Variants in FGFR1 observed in about 807,000 individuals in gnomAD.
FGFR1 encodes the protein fibroblast growth factor receptor 1, also known as FGFR1/PLAG1 fusion.
A neutral mutation model predicts 93.7 loss-of-function variants in FGFR1; 18 were observed. The ratio of observed to expected loss-of-function variants is 0.19; its 90% confidence interval spans 0.13 to 0.28. The LOEUF is 0.28. FGFR1 is among the 10% of genes least tolerant of loss of function. FGFR1 has a pLI of 1.00. For synonymous variants in FGFR1, 448 were observed against 429.3 expected (o/e 1.04, Z -0.54); for missense variants, 731 against 1,080.4 (o/e 0.68, Z 4.53).
At chr8:38,462,172 T>C (rs1307974079) in intron 1 of FGFR1, among the ~76,000 whole-genome samples, 1 of 152,218 alleles carries the variant, frequency 6.6e-6, no homozygotes, top group Non-Finnish European at 1.5e-5. Flanking sequence ...TTTGGAAATA[T>C]AGTTACATTA....
chr8:38,419,195 T>C (rs1016543488), intron 9 of FGFR1, among the ~76,000 whole-genome samples: 1 of 152,330 alleles, frequency 6.6e-6, no homozygotes, highest in Admixed American at 6.5e-5. Context: ...CAAACAGTTC[T>C]CTTCTCTACC....
At chr8:38,428,263 T>C in intron 4 of FGFR1, 83 bp downstream of exon 4, 1 of 1,504,692 alleles carries the variant, frequency 6.6e-7, no homozygotes, top group Non-Finnish European at 9.2e-7. Flanking sequence ...TGCCCTCCTC[T>C]TCCTCCCCTT....
intron 1 of FGFR1, among the ~76,000 whole-genome samples, chr8:38,459,472 T>C (rs982326156): frequency 6.6e-6 from 1 of 152,278 alleles, no homozygotes; most frequent in Non-Finnish European, 1.5e-5. Context: ...AGTCAACATT[T>C]CTCTTTCATT....
intron 2 of FGFR1, among the ~76,000 whole-genome samples, chr8:38,441,738 C>T (rs1434514197): frequency 6.6e-6 from 1 of 152,198 alleles, no homozygotes. Flanking sequence ...CACCAGAATC[C>T]AGCCTTGGCA....
At chr8:38,463,978 A>G (rs1834969651) in intron 1 of FGFR1, among the ~76,000 whole-genome samples, 1 of 152,154 alleles carries the variant, frequency 6.6e-6, no homozygotes, top group Admixed American at 6.5e-5. Context: ...TTTAAAAAAA[A>G]AAAGTGTCTA....
intron 2 of FGFR1, among the ~76,000 whole-genome samples, chr8:38,439,463 C>T (rs546871874): frequency 2.6e-5 from 4 of 152,148 alleles, no homozygotes; most frequent in African/African-American, 9.7e-5. Flanking sequence ...ATTAAGAACA[C>T]GAGGCAAAAG....
chr8:38,453,970 C>A (rs1831921198), intron 2 of FGFR1, among the ~76,000 whole-genome samples: 1 of 152,114 alleles, frequency 6.6e-6, no homozygotes, highest in Non-Finnish European at 1.5e-5. Context: ...CTGCCTCTGC[C>A]TCCCACAGTA....
chr8:38,413,454 A>C lies in FGFR1; in HGVS notation c.*174T>G. 1.6e-6 allele frequency: 1 copy of C among 635,476 alleles called. No individual in the cohort carries two copies. The highest frequency in any genetic ancestry group is 2.0e-5 in the South Asian group (1 of 50,054). The allele number at this position is 635,476 out of a possible 1,614,324, so 39.4% of individuals were successfully genotyped here. A position where few individuals can be genotyped will look rare whatever the true frequency, so the allele number is the denominator to read the frequency against. On this transcript the variant is annotated 3_prime_UTR_variant, in exon 18 of 18. Transcript: ENST00000447712. The surrounding 1 kb of genome is among the most constrained non-coding windows in gnomAD (Gnocchi z 4.2). ...TCACCAGCAGGTGGAGAGGAGGTGG[A>C]GGGAGAGGTGAGCTGAGTGGGGTGA... is the stretch of plus-strand genomic sequence containing the variant.
intron 2 of FGFR1, among the ~76,000 whole-genome samples, chr8:38,437,995 A>G (rs1426213920): frequency 6.6e-6 from 1 of 152,196 alleles, no homozygotes; most frequent in African/African-American, 2.4e-5. Context: ...GCCTTCCCAT[A>G]TATTATCTAG....
rs753215599 is a variant in FGFR1 at position 38,414,038 on chromosome 8, T to C, written c.2187-15A>G. On this transcript the variant is annotated splice_polypyrimidine_tract_variant and intron_variant, in intron 16 of 17. Coordinates refer to ENST00000447712, the MANE Select transcript of FGFR1 (RefSeq NM_023110.3). ...TCATCATGTACCTGCGGCAGGACTGTAAGGTCAGGGACGTCTCCTGGAGAT... is the reference window on the plus strand; with the variant it reads ...TCATCATGTACCTGCGGCAGGACTGCAAGGTCAGGGACGTCTCCTGGAGAT... 5 of 1,613,812 alleles carry C rather than the reference T, an allele frequency of 3.1e-6. No homozygotes were observed. The highest frequency in any genetic ancestry group is 1.6e-4 in the Middle Eastern group (1 of 6,062).
intron 2 of FGFR1, among the ~76,000 whole-genome samples, chr8:38,454,092 C>G (rs1831965148): frequency 6.6e-6 from 1 of 152,094 alleles, no homozygotes; most frequent in Non-Finnish European, 1.5e-5. Context: ...CCCCATCCAC[C>G]TCTCTTACTC....
intron 2 of FGFR1, among the ~76,000 whole-genome samples, chr8:38,456,782 G>A (rs371464129): frequency 2.9e-4 from 44 of 152,166 alleles, no homozygotes; most frequent in African/African-American, 1.0e-3. Flanking sequence ...TATTGCCTAG[G>A]CTGATCTTGA....
chr8:38,444,545 C>T (rs910309657), intron 2 of FGFR1, among the ~76,000 whole-genome samples: 7 of 148,494 alleles, frequency 4.7e-5, no homozygotes, highest in Non-Finnish European at 1.0e-4. Flanking sequence ...CTTGCCACCA[C>T]GCGTGGCTAA....
chr8:38,437,993 A>G (rs1826010503), intron 2 of FGFR1, among the ~76,000 whole-genome samples: 1 of 152,208 alleles, frequency 6.6e-6, no homozygotes, highest in African/African-American at 2.4e-5. Context: ...GTGCCTTCCC[A>G]TATATTATCT....
intron 12 of FGFR1, among the ~76,000 whole-genome samples, chr8:38,416,448 A>ATTTTTTTT (rs57944426): frequency 1.2e-5 from 1 of 80,936 alleles, no homozygotes; most frequent in Non-Finnish European, 2.2e-5. Flanking sequence ...TGCCTGGCTA[A>ATTTTTTTT]TTTTTTTTTT....
chr8:38,452,119 C>A (rs1043091051), intron 2 of FGFR1, among the ~76,000 whole-genome samples: 1 of 151,930 alleles, frequency 6.6e-6, no homozygotes, highest in African/African-American at 2.4e-5. Flanking sequence ...CCTCCCCAAT[C>A]CCTCAGGAGC....
At chr8:38,430,358 C>T (rs758892662) in intron 2 of FGFR1, 9 of 200,744 alleles carry the variant, frequency 4.5e-5, no homozygotes, top group Non-Finnish European at 7.1e-5. Flanking sequence ...GAGGAACACC[C>T]CATTTCCTTT....
intron 1 of FGFR1, 158 bp downstream of exon 1, chr8:38,467,823 G>C (rs1472432663): frequency 4.3e-6 from 1 of 232,484 alleles, no homozygotes; most frequent in Non-Finnish European, 8.5e-6. Flanking sequence ...GATCGCCCGG[G>C]AGGGAGCCAG....
At chr8:38,419,191 G>C (rs536151912) in intron 9 of FGFR1, among the ~76,000 whole-genome samples, 1 of 152,210 alleles carries the variant, frequency 6.6e-6, no homozygotes, top group Non-Finnish European at 1.5e-5. Context: ...AATACAAACA[G>C]TTCTCTTCTC....
Sources: allele counts gnomAD v4.1 joint callset (sites outside exome capture counted in the v4.1 genomes callset), GRCh38; gene constraint gnomAD v4.1.1; non-coding constraint Gnocchi (gnomAD v3.1); transcripts MANE v1.5; gene names NCBI Gene and HGNC (gene_info 2026-07-23, HGNC 2026-07-21).